The following SH3D19 variants were observed in gnomAD, a reference collection of about 807,000 sequenced individuals.
The protein encoded by SH3D19 is SH3 domain containing 19.
Under a neutral mutation model 112.1 loss-of-function variants are expected in SH3D19, and 58 were observed. That is an observed-to-expected ratio of 0.52 (90% CI 0.42 to 0.64). The LOEUF is 0.64. Ranked by LOEUF, SH3D19 falls within the 30% of genes least tolerant of loss-of-function variation. The pLI is 0.00. For synonymous variants in SH3D19, 391 were observed against 448.5 expected (o/e 0.87, Z 1.62); for missense variants, 1,090 against 1,263.4 (o/e 0.86, Z 2.08).
chr4:151,150,370 T>C (rs1754836074), intron 9 of SH3D19, among the ~76,000 whole-genome samples: 1 of 148,126 alleles, frequency 6.8e-6, no homozygotes, highest in Non-Finnish European at 1.5e-5. Context: ...TGCTCTTTAT[T>C]CATTCCGTGA....
intron 1 of SH3D19, chr4:151,283,245 A>T: frequency 6.2e-7 from 1 of 1,613,802 alleles, no homozygotes; most frequent in Non-Finnish European, 8.5e-7. Flanking sequence ...GGAAGACAAG[A>T]TTTGTGCTGG....
chr4:151,306,324 C>A (rs1193865053), intron 1 of SH3D19, among the ~76,000 whole-genome samples: 1 of 152,210 alleles, frequency 6.6e-6, no homozygotes, highest in African/African-American at 2.4e-5. Context: ...ATTCAAATCT[C>A]AGCTGCACTT....
At chr4:151,185,222 A>C (rs1014987264) in intron 3 of SH3D19, among the ~76,000 whole-genome samples, 2 of 152,054 alleles carry the variant, frequency 1.3e-5, no homozygotes, top group African/African-American at 4.8e-5. Flanking sequence ...CAGGGAACAA[A>C]GTGCAGGAGC....
chr4:151,199,445 C>A (rs77376201), intron 2 of SH3D19, among the ~76,000 whole-genome samples: 3,652 of 152,202 alleles, frequency 0.024, 59 homozygotes, highest in Middle Eastern at 0.068. Flanking sequence ...GTATGGAGTT[C>A]AGCAGAACAA....
At chr4:151,164,422 A>G (rs962002332) in intron 8 of SH3D19, among the ~76,000 whole-genome samples, 1 of 152,204 alleles carries the variant, frequency 6.6e-6, no homozygotes, top group Non-Finnish European at 1.5e-5. Context: ...CCTAAAATAA[A>G]TAATTCTGGC....
chr4:151,314,000 T>C (rs1729752923), intron 1 of SH3D19, among the ~76,000 whole-genome samples: 3 of 152,230 alleles, frequency 2.0e-5, no homozygotes, highest in Admixed American at 6.5e-5. Context: ...TCTGAGCCCT[T>C]TGTTCTTGGC....
At chr4:151,255,828 C>T (rs572106543) in intron 1 of SH3D19, among the ~76,000 whole-genome samples, 20 of 152,352 alleles carry the variant, frequency 1.3e-4, no homozygotes, top group Non-Finnish European at 2.4e-4. Flanking sequence ...GGCTGGAGAC[C>T]GGCCTGGCCA....
intron 1 of SH3D19, among the ~76,000 whole-genome samples, chr4:151,237,847 T>A (rs1770249371): frequency 6.6e-6 from 1 of 152,216 alleles, no homozygotes; most frequent in Non-Finnish European, 1.5e-5. Flanking sequence ...ATTTTTCTTT[T>A]TTATTACTGG....
intron 9 of SH3D19, among the ~76,000 whole-genome samples, chr4:151,151,815 A>G (rs1755106873): frequency 6.6e-6 from 1 of 152,228 alleles, no homozygotes; most frequent in Admixed American, 6.5e-5. Context: ...TTAAAATTAA[A>G]ACAAACTCTA....
intron 1 of SH3D19, among the ~76,000 whole-genome samples, chr4:151,317,731 T>C (rs1055487225): frequency 6.6e-6 from 1 of 152,146 alleles, no homozygotes; most frequent in Non-Finnish European, 1.5e-5. Flanking sequence ...CCCAGCACTA[T>C]GGGAAGCCGA....
chr4:151,256,123 A>T (rs1462890696), intron 1 of SH3D19, among the ~76,000 whole-genome samples: 1 of 151,998 alleles, frequency 6.6e-6, no homozygotes, highest in Non-Finnish European at 1.5e-5. Flanking sequence ...TATAAATTGT[A>T]TACTTTAATA....
intron 3 of SH3D19, among the ~76,000 whole-genome samples, chr4:151,186,571 T>C (rs1018919045): frequency 7.5e-4 from 104 of 139,042 alleles, no homozygotes; most frequent in Middle Eastern, 4.7e-3. Context: ...GTAGCTGGGA[T>C]TACAGGTGCC....
In SH3D19 at chr4:151,135,256, T is replaced by A. The variant is rs1168434903; in HGVS notation, c.2428-124A>T. The A allele has an allele frequency of 6.7e-5, 44 of 654,506 alleles. No homozygotes were observed. Among genetic ancestry groups the A allele is most frequent in the Non-Finnish European group, 1.1e-4 (44 of 398,330 alleles). 40.5% of individuals were successfully genotyped at this position (654,506 alleles called of 1,614,324 possible). A position where few individuals can be genotyped will look rare whatever the true frequency, so the allele number is the denominator to read the frequency against. ...TCGGTTTAGCTAGGTGTTAATCTGA[T>A]TAAGAGGAACTACAGGTGCTAAATG... On this transcript the variant is annotated intron_variant, in intron 14 of 19. Coordinates refer to ENST00000604030, the MANE Select transcript of SH3D19 (RefSeq NM_001378122.1).
chr4:151,268,974 T>C (rs972190346), intron 1 of SH3D19, among the ~76,000 whole-genome samples: 22 of 152,198 alleles, frequency 1.4e-4, no homozygotes, highest in African/African-American at 5.1e-4. Flanking sequence ...GATGGCTGGG[T>C]CAAATGGTAT....
intron 12 of SH3D19, among the ~76,000 whole-genome samples, chr4:151,141,398 T>C (rs1752957692): frequency 6.6e-6 from 1 of 152,162 alleles, no homozygotes; most frequent in Non-Finnish European, 1.5e-5. Flanking sequence ...AGTGCTGGGA[T>C]TACAGGAGTG....
intron 7 of SH3D19, among the ~76,000 whole-genome samples, chr4:151,167,957 G>C (rs746984835): frequency 2.0e-5 from 3 of 152,234 alleles, no homozygotes; most frequent in Non-Finnish European, 2.9e-5. Flanking sequence ...TGACAGCCTT[G>C]TGTGTGATCT....
At chr4:151,289,608 T>C (rs1401294549) in intron 1 of SH3D19, among the ~76,000 whole-genome samples, 2 of 152,222 alleles carry the variant, frequency 1.3e-5, no homozygotes, top group South Asian at 2.1e-4. Flanking sequence ...GGTATAAAGA[T>C]ATGCAAATGT....
chr4:151,144,524 T>C (rs1253964474), intron 11 of SH3D19: 1 of 522,536 alleles, frequency 1.9e-6, no homozygotes, highest in Non-Finnish European at 3.4e-6. Context: ...TGGCCTAACA[T>C]TCCCTTAATG....
intron 1 of SH3D19, among the ~76,000 whole-genome samples, chr4:151,233,720 G>A (rs185575998): frequency 2.0e-4 from 30 of 152,302 alleles, no homozygotes; most frequent in Admixed American, 1.8e-3. Context: ...ATCTTTGTGC[G>A]GAGGGGGATA....
Sources: allele counts gnomAD v4.1 joint callset (sites outside exome capture counted in the v4.1 genomes callset), GRCh38; gene constraint gnomAD v4.1.1; transcripts MANE v1.5; gene names NCBI Gene and HGNC (gene_info 2026-07-23, HGNC 2026-07-21).